The following SLIT3 variants were observed in gnomAD, a reference collection of about 807,000 sequenced individuals.
SLIT3 encodes slit guidance ligand 3.
A neutral mutation model predicts 184.0 loss-of-function variants in SLIT3; 68 were observed. The ratio of observed to expected loss-of-function variants is 0.37; its 90% CI spans 0.30 to 0.45. The LOEUF (loss-of-function observed/expected upper bound fraction) is 0.45. Among genes scored for constraint, SLIT3 ranks in the 20% least tolerant of loss-of-function variants. The pLI, the probability that SLIT3 is intolerant of heterozygous loss-of-function variation, is 1.00. For synonymous variants in SLIT3, 831 were observed against 828.6 expected, an observed-to-expected ratio of 1.00 and a Z score of -0.05; for missense variants, 1,707 against 2,026.0, an observed-to-expected ratio of 0.84 and a Z score of 3.02.
At chr5:168,784,036 C>CTAGG (rs1260727240) in intron 12 of SLIT3, among the ~76,000 whole-genome samples, 1 of 152,140 alleles carries the variant, frequency 6.6e-6, no homozygotes, top group Non-Finnish European at 1.5e-5. Context: ...ATGCACTGTG[C>CTAGG]TAGGCACTGT....
At chr5:168,940,941 G>C (rs1176783840) in intron 4 of SLIT3, among the ~76,000 whole-genome samples, 1 of 152,132 alleles carries the variant, frequency 6.6e-6, no homozygotes. Flanking sequence ...CCCCAGGACT[G>C]TTGTCATTCC....
chr5:168,839,291 C>T (rs1016665361), intron 6 of SLIT3, among the ~76,000 whole-genome samples: 6 of 152,278 alleles, frequency 3.9e-5, no homozygotes, highest in African/African-American at 1.4e-4. Context: ...GCGCCCAGCA[C>T]TGTGCTGGCC....
intron 8 of SLIT3, 141 bp from the exon 9 acceptor site, chr5:168,806,728 C>T: frequency 1.1e-6 from 1 of 928,694 alleles, no homozygotes; most frequent in Non-Finnish European, 1.6e-6. Context: ...TCTCCCTTCA[C>T]CTGGGAGACA....
chr5:168,700,254 C>A (rs112120391), intron 27 of SLIT3, among the ~76,000 whole-genome samples: 3,902 of 152,188 alleles, frequency 0.026, 159 homozygotes, highest in African/African-American at 0.088. Flanking sequence ...TATAATAATC[C>A]CCAAGTGTCA....
chr5:168,734,131 A>G (rs1763365605), intron 20 of SLIT3, among the ~76,000 whole-genome samples: 1 of 152,202 alleles, frequency 6.6e-6, no homozygotes, highest in Non-Finnish European at 1.5e-5. Context: ...TTACCACAAC[A>G]CAATATATGC....
chr5:169,126,341 AGGAG>A (rs1761079275), intron 4 of SLIT3, among the ~76,000 whole-genome samples: 1 of 152,248 alleles, frequency 6.6e-6, no homozygotes, highest in Non-Finnish European at 1.5e-5. Flanking sequence ...GAAGAGGGAA[AGGAG>A]AAAGAGAGAC....
intron 12 of SLIT3, among the ~76,000 whole-genome samples, chr5:168,781,625 A>C (rs111593005): frequency 6.4e-4 from 98 of 152,174 alleles, no homozygotes; most frequent in African/African-American, 2.3e-3. Flanking sequence ...GAAGACAATG[A>C]ACCAGAGAAA....
At chr5:168,818,974 T>C (rs1253464042) in intron 7 of SLIT3, among the ~76,000 whole-genome samples, 1 of 152,262 alleles carries the variant, frequency 6.6e-6, no homozygotes, top group Non-Finnish European at 1.5e-5. Context: ...AAAAGACTTT[T>C]ATGATTTTGT....
chr5:169,012,711 A>G (rs186664186), intron 4 of SLIT3: 24 of 152,292 alleles, frequency 1.6e-4, no homozygotes, highest in Admixed American at 5.9e-4. Flanking sequence ...ATATCTTCAG[A>G]AATCACTTTG....
At chr5:169,193,632 G>GTCAA (rs1258659289) in intron 3 of SLIT3, 82 bp from the exon 4 acceptor site, 1 of 1,033,414 alleles carries the variant, frequency 9.7e-7, no homozygotes, top group Non-Finnish European at 1.5e-6. Context: ...TAATCAATCA[G>GTCAA]TCAATCAATC....
At chr5:168,854,692 C>T (rs1385270019) in intron 5 of SLIT3, among the ~76,000 whole-genome samples, 1 of 152,208 alleles carries the variant, frequency 6.6e-6, no homozygotes, top group African/African-American at 2.4e-5. Context: ...CTGGGCATGG[C>T]CTTCCCCAGA....
intron 4 of SLIT3, among the ~76,000 whole-genome samples, chr5:169,164,568 G>T (rs1762575894): frequency 6.6e-6 from 1 of 152,324 alleles, no homozygotes; most frequent in East Asian, 1.9e-4. Context: ...TCTCCGGGCT[G>T]TTCTGTCATC....
chr5:168,696,260 C>A (rs1296961024), intron 28 of SLIT3, 32 bp downstream of exon 28: 1 of 1,613,304 alleles, frequency 6.2e-7, no homozygotes, highest in Non-Finnish European at 8.5e-7. Context: ...CACCCCTCCA[C>A]CCCACCATAC....
At chr5:168,974,838 G>T (rs950557100) in intron 4 of SLIT3, among the ~76,000 whole-genome samples, 5 of 152,198 alleles carry the variant, frequency 3.3e-5, no homozygotes, top group Admixed American at 6.5e-5. Context: ...CTGCTGCAGG[G>T]GGTTCAGGAA....
chr5:169,256,345 G>T (rs141051139), intron 1 of SLIT3, among the ~76,000 whole-genome samples: 39 of 152,268 alleles, frequency 2.6e-4, no homozygotes, highest in African/African-American at 9.1e-4. Context: ...CCATTGCTCA[G>T]CATTGTCTTA....
At chr5:168,956,560 C>A (rs905016494) in intron 4 of SLIT3, among the ~76,000 whole-genome samples, 4 of 152,132 alleles carry the variant, frequency 2.6e-5, no homozygotes, top group African/African-American at 9.7e-5. Flanking sequence ...CATTGGGAGG[C>A]CAAGGCGGGC....
chr5:169,210,713 A>C lies in SLIT3; in HGVS notation c.342-17163T>G, dbSNP rs138611662. Among the ~76,000 whole-genome samples the C allele has an allele frequency of 2.6e-4, 40 of 152,310 alleles. 1 individual carries two copies. In the East Asian group the frequency reaches 7.7e-3, roughly 29 times the overall value. On this transcript the variant is annotated intron_variant, in intron 3 of 35. Coordinates refer to ENST00000519560, the MANE Select transcript of SLIT3 (RefSeq NM_003062.4). Reference sequence around the variant, plus strand: ...AGGTAGGAATGAATGAATCAAAGTAAGAGGAGAAACAGGAGACAAGGCAAA... The same window carrying C: ...AGGTAGGAATGAATGAATCAAAGTACGAGGAGAAACAGGAGACAAGGCAAA...
chr5:168,845,498 T>A (rs17070549), intron 5 of SLIT3, among the ~76,000 whole-genome samples: 1 of 147,996 alleles, frequency 6.8e-6, no homozygotes, highest in African/African-American at 2.5e-5. Context: ...TCCTTTGTAA[T>A]TTCCCTTTCC....
intron 4 of SLIT3, among the ~76,000 whole-genome samples, chr5:169,115,245 C>G (rs1291953974): frequency 1.3e-5 from 2 of 152,168 alleles, no homozygotes; most frequent in African/African-American, 4.8e-5. Flanking sequence ...AAGTCAGAGC[C>G]AGAAGGAAGC....
Sources: gnomAD v4.1 joint callset for allele counts (sites outside exome capture counted in the v4.1 genomes callset) on GRCh38, gnomAD v4.1.1 for gene constraint, MANE v1.5 for transcripts, NCBI Gene and HGNC (gene_info 2026-07-23, HGNC 2026-07-21) for gene names.